The following KIF21A variants were observed in gnomAD, a reference collection of about 807,000 sequenced individuals.
KIF21A encodes the protein kinesin-like protein KIF21A.
KIF21A carries 114 observed loss-of-function variants against 202.9 expected under a neutral mutation model. The ratio of observed to expected loss-of-function variants is 0.56; its 90% CI spans 0.48 to 0.66. KIF21A has a LOEUF of 0.66. Ranked by LOEUF, KIF21A falls within the 30% of genes least tolerant of loss-of-function variation. The pLI is 0.00. For synonymous variants in KIF21A, 667 were observed against 670.8 expected (o/e 0.99, Z 0.09); for missense variants, 1,677 against 1,994.9 (o/e 0.84, Z 3.04).
chr12:39,371,703 G>T (rs556467381), intron 1 of KIF21A, among the ~76,000 whole-genome samples: 1 of 152,220 alleles, frequency 6.6e-6, no homozygotes, highest in Admixed American at 6.5e-5. Flanking sequence ...ACTTAGGGAG[G>T]CCAATAGCTT....
intron 24 of KIF21A, among the ~76,000 whole-genome samples, chr12:39,328,638 G>T (rs1222657657): frequency 6.6e-6 from 1 of 152,124 alleles, no homozygotes. Flanking sequence ...GCTGGCCCTG[G>T]CTCATCCTCT....
intron 1 of KIF21A, among the ~76,000 whole-genome samples, chr12:39,413,307 A>G (rs1212212395): frequency 2.0e-5 from 3 of 152,196 alleles, no homozygotes; most frequent in Non-Finnish European, 4.4e-5. Context: ...TTGCATGCCT[A>G]GGTTCCTACA....
rs557903454 is a variant in KIF21A at position 39,304,160 on chromosome 12, C to G, written c.4560+661G>C. Among the ~76,000 whole-genome samples, 6 of 152,222 alleles carry G rather than the reference C, an allele frequency of 3.9e-5. No individual in the cohort carries two copies. The South Asian group carries it at 1.2e-3, about 32-fold the overall frequency. ...ACCATTCTAATTTCAAGTCATTAAC[C>G]CATCTCTCATTTCTTAATCAAAGTT... On this transcript the variant is annotated intron_variant, in intron 35 of 37. Coordinates refer to ENST00000361418, the MANE Select transcript of KIF21A (RefSeq NM_001173464.2).
intron 6 of KIF21A, among the ~76,000 whole-genome samples, chr12:39,363,589 AAC>A (rs1310288743): frequency 6.6e-6 from 1 of 152,226 alleles, no homozygotes; most frequent in Non-Finnish European, 1.5e-5. Context: ...TAGTTAGTTT[AAC>A]AGTTTGATGC....
intron 27 of KIF21A, among the ~76,000 whole-genome samples, chr12:39,321,154 G>T (rs1945204909): frequency 6.6e-6 from 1 of 151,930 alleles, no homozygotes; most frequent in South Asian, 2.1e-4. Context: ...ACGCAGTAAT[G>T]GCTTATAAGA....
chr12:39,340,653 G>C (rs1000665803), intron 15 of KIF21A, among the ~76,000 whole-genome samples: 1 of 151,776 alleles, frequency 6.6e-6, no homozygotes, highest in African/African-American at 2.4e-5. Flanking sequence ...GCAGATATCG[G>C]TATGAAAAAA....
intron 7 of KIF21A, 43 bp downstream of exon 7, chr12:39,363,055 G>T: frequency 1.7e-6 from 2 of 1,195,968 alleles, no homozygotes; most frequent in Non-Finnish European, 2.5e-6. Context: ...ATTTAATAAT[G>T]AATAATCAAA....
At chr12:39,334,486 T>G in intron 17 of KIF21A, among the ~76,000 whole-genome samples, 1 of 152,180 alleles carries the variant, frequency 6.6e-6, no homozygotes, top group East Asian at 1.9e-4. Flanking sequence ...CTTTATCTTA[T>G]CACAGCCATA....
intron 13 of KIF21A, 133 bp downstream of exon 13, chr12:39,341,901 C>T (rs1367372230): frequency 2.2e-5 from 16 of 732,808 alleles, no homozygotes; most frequent in Non-Finnish European, 3.8e-5. Context: ...GAAGAAACAT[C>T]TTCAAAGAAA....
At position 39,341,497 on chromosome 12, in the gene KIF21A, G is replaced by A. The variant is rs1055277305; in HGVS notation, c.1921+8C>T. On this transcript the variant is annotated splice_region_variant and intron_variant, in intron 14 of 37. Transcript: ENST00000361418. ...TGAATTTTTGCCCTTATACCAAAGG[G>A]CAAGTACCTTTTTCATCTGATTCAG... 1.9e-6 allele frequency: 3 copies of A among 1,612,164 alleles called. No individual in the cohort carries two copies. The highest frequency in any genetic ancestry group is 8.5e-7 in the Non-Finnish European group (1 of 1,179,326).
At chr12:39,362,343 T>G (rs1439637800) in intron 7 of KIF21A, among the ~76,000 whole-genome samples, 1 of 152,240 alleles carries the variant, frequency 6.6e-6, no homozygotes, top group African/African-American at 2.4e-5. Flanking sequence ...CTAATAATCT[T>G]TTCAGTAAAT....
chr12:39,393,834 A>G (rs1323330898), intron 1 of KIF21A, among the ~76,000 whole-genome samples: 2 of 152,228 alleles, frequency 1.3e-5, no homozygotes, highest in African/African-American at 4.8e-5. Flanking sequence ...CATGAAAATC[A>G]CAACTGGGTT....
intron 1 of KIF21A, among the ~76,000 whole-genome samples, chr12:39,374,742 C>A (rs1447939431): frequency 6.6e-6 from 1 of 152,100 alleles, no homozygotes; most frequent in East Asian, 1.9e-4. Context: ...GAAACTCATT[C>A]TTGAACAAGC....
chr12:39,334,200 CAAAAAAAAAA>C (rs576176350), intron 17 of KIF21A, among the ~76,000 whole-genome samples: 3 of 63,756 alleles, frequency 4.7e-5, no homozygotes, highest in Non-Finnish European at 7.2e-5. Flanking sequence ...GACTCCATCT[CAAAAAAAAAA>C]AAAAAAAAAA....
intron 12 of KIF21A, among the ~76,000 whole-genome samples, chr12:39,343,565 G>A (rs1592248212): frequency 6.6e-6 from 1 of 151,676 alleles, no homozygotes; most frequent in Non-Finnish European, 1.5e-5. Flanking sequence ...TTAGCTTCTA[G>A]GCTAAAAACT....
In KIF21A at chr12:39,369,905, C is replaced by T; in HGVS notation, c.274G>A (p.Ala92Thr). The T allele has an allele frequency of 6.2e-7, 1 of 1,613,102 alleles. No homozygotes were observed. The highest frequency in any genetic ancestry group is 8.5e-7 in the Non-Finnish European group (1 of 1,179,308). Residue 92 changes from alanine to threonine, a missense_variant, in exon 3 of 38, where the codon GCT (alanine) becomes ACT (threonine). By Grantham distance (58) the Ala-to-Thr change is moderately conservative. Transcript: ENST00000361418. ...GTTCCCATTGTGTATGTTTTACCAG[C>T]TCCAGTCTAAACAAAAGAACAGAGA... Reference protein sequence around the residue: ...ATVFAYGQTGAGKTYTMGTGF... With the variant: ...ATVFAYGQTGTGKTYTMGTGF...
chr12:39,378,257 T>G (rs1342549027), intron 1 of KIF21A, among the ~76,000 whole-genome samples: 4 of 152,234 alleles, frequency 2.6e-5, no homozygotes, highest in Non-Finnish European at 5.9e-5. Context: ...CACAGAACAC[T>G]GATAAAAGTT....
At position 39,319,944 on chromosome 12, in the gene KIF21A, A is replaced by C; in HGVS notation, c.3741T>G (p.Tyr1247Ter). 1.2e-6 allele frequency: 2 copies of C among 1,608,904 alleles called. No individual in the cohort carries two copies. The highest frequency in any genetic ancestry group is 1.7e-6 in the Non-Finnish European group (2 of 1,176,608). ...EPSPVTRRKA[Y>*]EKAEKSKAKE... is the part of the protein sequence containing the mutation. ...TGGCCTTTGATTTTTCTGCTTTCTC[A>C]TATGCCTTTCTCCTTGTTACAGGAG... Residue 1247 changes from tyrosine (Y) to a stop codon, truncating the protein, a stop_gained, in exon 28 of 38, where the codon TAT (tyrosine) becomes TAG (stop). Transcript: ENST00000361418. LOFTEE classifies it high-confidence loss of function.
In KIF21A at chr12:39,340,986, T is replaced by C; in HGVS notation, c.2030A>G (p.Gln677Arg). 1 of 1,613,368 alleles carries C rather than the reference T, an allele frequency of 6.2e-7. No individual in the cohort carries two copies. The highest frequency in any genetic ancestry group is 2.2e-5 in the East Asian group (1 of 44,804). Residue 677 changes from glutamine (Q) to arginine (R), a missense_variant, in exon 15 of 38, where the codon CAG (glutamine) becomes CGG (arginine). Transcript: ENST00000361418. ...CAGCATCATTAGCTTCTCTTCATAC[T>C]GCTTTTTCAGAGTCTGCAGTCTTTT... ...SQKRLQTLKK[Q>R]YEEKLMMLQH...
Sources: gnomAD v4.1 joint callset for allele counts (sites outside exome capture counted in the v4.1 genomes callset) on GRCh38, gnomAD v4.1.1 for gene constraint, MANE v1.5 for transcripts, NCBI Gene and HGNC (gene_info 2026-07-23, HGNC 2026-07-21) for gene names.